ACAD11: variants seen among roughly 807,000 people sequenced by gnomAD.
ACAD11 encodes the protein acyl-Coenzyme A dehydrogenase family, member 11.
Under a neutral mutation model 102.2 loss-of-function variants are expected in ACAD11, and 83 were observed. The observed-to-expected ratio is 0.81, with a 90% CI of 0.68 to 0.97. The LOEUF is 0.97. ACAD11 is among the 50% of genes least tolerant of loss of function. The pLI is 0.00. For missense variants in ACAD11, 901 were observed against 951.7 expected (o/e 0.95, Z 0.70); for synonymous variants, 324 against 319.8 (o/e 1.01, Z -0.14).
intron 5 of ACAD11, among the ~76,000 whole-genome samples, chr3:132,635,530 C>T (rs543332256): frequency 6.6e-6 from 1 of 152,032 alleles, no homozygotes; most frequent in African/African-American, 2.4e-5. Flanking sequence ...GTATTCAGAC[C>T]CTAGCTCTAC....
At chr3:132,593,526 A>C (rs1938169595) in intron 13 of ACAD11, among the ~76,000 whole-genome samples, 1 of 152,228 alleles carries the variant, frequency 6.6e-6, no homozygotes. Context: ...AGTGGTAGTA[A>C]AACAACACAT....
intron 17 of ACAD11, among the ~76,000 whole-genome samples, chr3:132,574,421 C>T (rs1937464902): frequency 6.6e-6 from 1 of 152,188 alleles, no homozygotes; most frequent in African/African-American, 2.4e-5. Flanking sequence ...TAAAAGGGCT[C>T]CTGACAAATT....
chr3:132,632,286 C>T (rs1487386748), intron 5 of ACAD11, among the ~76,000 whole-genome samples: 29 of 152,022 alleles, frequency 1.9e-4, no homozygotes, highest in Non-Finnish European at 1.5e-4. Context: ...AGGGTTTCAC[C>T]ATGTTCGCCA....
chr3:132,609,801 C>A (rs1043123238), intron 11 of ACAD11, among the ~76,000 whole-genome samples: 1 of 152,086 alleles, frequency 6.6e-6, no homozygotes, highest in Non-Finnish European at 1.5e-5. Flanking sequence ...ATCCTGATAC[C>A]AAAACCTGGT....
chr3:132,566,304 CA>C (rs1210045595), intron 17 of ACAD11, among the ~76,000 whole-genome samples: 2 of 135,834 alleles, frequency 1.5e-5, no homozygotes, highest in Admixed American at 7.3e-5. Context: ...CTCAAAAAAA[CA>C]AAAAAAAAAA....
At chr3:132,563,110 C>A (rs1380608017) in intron 17 of ACAD11, among the ~76,000 whole-genome samples, 1 of 152,156 alleles carries the variant, frequency 6.6e-6, no homozygotes, top group African/African-American at 2.4e-5. Context: ...TGCCTTTGCA[C>A]CTATGTAAAA....
chr3:132,640,996 A>G (rs1282522291), intron 4 of ACAD11, among the ~76,000 whole-genome samples: 4 of 152,156 alleles, frequency 2.6e-5, no homozygotes, highest in African/African-American at 9.7e-5. Flanking sequence ...AGCTTTCTCT[A>G]TATAAGCAAG....
chr3:132,623,281 T>C (rs1346742837), intron 9 of ACAD11, among the ~76,000 whole-genome samples: 3 of 152,190 alleles, frequency 2.0e-5, no homozygotes, highest in Admixed American at 6.5e-5. Context: ...TATTGTATTA[T>C]ATGATACAAC....
intron 17 of ACAD11, among the ~76,000 whole-genome samples, chr3:132,571,242 T>C (rs900628604): frequency 3.9e-5 from 6 of 152,144 alleles, no homozygotes; most frequent in African/African-American, 1.4e-4. Context: ...TTTGTATTTC[T>C]CTAATGATCA....
At chr3:132,611,479 CG>C in intron 11 of ACAD11, among the ~76,000 whole-genome samples, 1 of 152,198 alleles carries the variant, frequency 6.6e-6, no homozygotes, top group Non-Finnish European at 1.5e-5. Flanking sequence ...AAAACCCCAT[CG>C]TCTCAGCCCA....
intron 11 of ACAD11, among the ~76,000 whole-genome samples, chr3:132,611,562 C>A (rs1939148704): frequency 6.6e-6 from 1 of 152,134 alleles, no homozygotes; most frequent in Non-Finnish European, 1.5e-5. Context: ...AAATCACAAG[C>A]ATTCATATAC....
At chr3:132,605,846 C>A (rs1010832106) in intron 11 of ACAD11, among the ~76,000 whole-genome samples, 1 of 152,182 alleles carries the variant, frequency 6.6e-6, no homozygotes, top group Non-Finnish European at 1.5e-5. Context: ...CTTTTATGTA[C>A]CCCATACTAC....
chr3:132,640,076 A>C (rs1940431195), intron 4 of ACAD11, among the ~76,000 whole-genome samples: 1 of 152,094 alleles, frequency 6.6e-6, no homozygotes, highest in Middle Eastern at 3.2e-3. Flanking sequence ...GTAACCCCTG[A>C]AAAAGGGAAT....
intron 9 of ACAD11, among the ~76,000 whole-genome samples, chr3:132,625,953 T>G (rs1178521550): frequency 6.6e-6 from 1 of 152,156 alleles, no homozygotes; most frequent in Non-Finnish European, 1.5e-5. Context: ...AATAAAGCCA[T>G]TAGCATTTCT....
chr3:132,619,392 A>T (rs1939526428), intron 10 of ACAD11, 76 bp downstream of exon 10: 2 of 920,156 alleles, frequency 2.2e-6, no homozygotes, highest in South Asian at 3.6e-5. Flanking sequence ...ATATAACAAT[A>T]GCAACAACAA....
intron 13 of ACAD11, among the ~76,000 whole-genome samples, chr3:132,582,063 A>G (rs1937607354): frequency 6.6e-6 from 1 of 152,024 alleles, no homozygotes. Context: ...ACATATTCTT[A>G]TATTAAAGTA....
intron 13 of ACAD11, among the ~76,000 whole-genome samples, chr3:132,582,125 T>C (rs1236289919): frequency 1.3e-5 from 2 of 151,816 alleles, no homozygotes; most frequent in African/African-American, 2.4e-5. Flanking sequence ...TAACAATTAT[T>C]TGAGGTTTAA....
At chr3:132,658,453 T>C (rs1482941780) in intron 1 of ACAD11, among the ~76,000 whole-genome samples, 1 of 152,250 alleles carries the variant, frequency 6.6e-6, no homozygotes, top group Non-Finnish European at 1.5e-5. Flanking sequence ...TATGTACCTC[T>C]TCAACACTCC....
intron 1 of ACAD11, chr3:132,649,860 T>C (rs914682859): frequency 6.6e-6 from 1 of 152,224 alleles, no homozygotes; most frequent in African/African-American, 2.4e-5. Context: ...CCCGGCAAAT[T>C]TGAACTCACG....
Sources: allele counts gnomAD v4.1 joint callset (sites outside exome capture counted in the v4.1 genomes callset), GRCh38; gene constraint gnomAD v4.1.1; transcripts MANE v1.5; gene names NCBI Gene and HGNC (gene_info 2026-07-23, HGNC 2026-07-21).